NUB1: variants seen among roughly 807,000 people sequenced by gnomAD.
NUB1 encodes negative regulator of ubiquitin like proteins 1.
In NUB1, 41 loss-of-function variants were observed where a neutral mutation model predicts 77.1. The observed-to-expected ratio is 0.53, with a 90% CI of 0.41 to 0.69. The LOEUF is 0.69. NUB1 is among the 30% of genes least tolerant of loss of function. The pLI, the probability that NUB1 is intolerant of heterozygous loss-of-function variation, is 0.00. For missense variants in NUB1, 643 were observed against 743.8 expected (o/e 0.86, Z 1.58); for synonymous variants, 257 against 281.0 (o/e 0.91, Z 0.85).
At chr7:151,343,456 A>G (rs889155572) in intron 1 of NUB1, among the ~76,000 whole-genome samples, 1 of 152,252 alleles carries the variant, frequency 6.6e-6, no homozygotes, top group African/African-American at 2.4e-5. Flanking sequence ...ACTGGCCCTC[A>G]ATAGAAGAAA....
chr7:151,351,620 A>G, intron 4 of NUB1, 138 bp downstream of exon 4: 1 of 656,782 alleles, frequency 1.5e-6, no homozygotes, highest in Non-Finnish European at 2.6e-6. Context: ...TGAGGCTTTG[A>G]GGTTGAAGGA....
At chr7:151,374,396 C>G in intron 12 of NUB1, 153 bp downstream of exon 12, 1 of 1,048,556 alleles carries the variant, frequency 9.5e-7, no homozygotes, top group South Asian at 1.4e-5. Flanking sequence ...GGCTCCAGCC[C>G]AGACACAGGC....
chr7:151,365,759 TGAGA>T (rs1797644495), intron 8 of NUB1, among the ~76,000 whole-genome samples: 1 of 152,212 alleles, frequency 6.6e-6, no homozygotes, highest in Non-Finnish European at 1.5e-5. Flanking sequence ...TTAGAAATGT[TGAGA>T]GAGATGAAAA....
At chr7:151,355,078 A>G (rs1797001522) in intron 5 of NUB1, among the ~76,000 whole-genome samples, 1 of 152,200 alleles carries the variant, frequency 6.6e-6, no homozygotes, top group Non-Finnish European at 1.5e-5. Flanking sequence ...ACTGCAGTAC[A>G]GCTTCTTGTT....
At chr7:151,351,577 C>A in intron 4 of NUB1, 95 bp downstream of exon 4, 2 of 811,352 alleles carry the variant, frequency 2.5e-6, no homozygotes, top group Non-Finnish European at 3.9e-6. Flanking sequence ...ATAGGTAGGG[C>A]AGGTATTATC....
At chr7:151,369,020 T>C (rs559369226) in intron 11 of NUB1, 133 bp downstream of exon 11, 30 of 1,079,014 alleles carry the variant, frequency 2.8e-5, no homozygotes, top group Non-Finnish European at 3.7e-5. Flanking sequence ...TCCTTTTTTT[T>C]TTCTTGAGAC....
intron 8 of NUB1, 132 bp from the exon 9 acceptor site, chr7:151,366,807 T>C (rs1451593145): frequency 1.5e-6 from 1 of 646,254 alleles, no homozygotes; most frequent in African/African-American, 1.8e-5. Flanking sequence ...AGGATCTCTC[T>C]TTTAGAGCAG....
At chr7:151,342,946 TTACAGGTGTGAG>T in intron 1 of NUB1, among the ~76,000 whole-genome samples, 1 of 152,276 alleles carries the variant, frequency 6.6e-6, no homozygotes, top group South Asian at 2.1e-4. Context: ...AGTGCTGGGA[TTACAGGTGTGAG>T]CCACCGCGCC....
rs1798413522 is a variant in NUB1 at position 151,378,436 on chromosome 7, A to AAT, written c.*1216_*1217dup. The AAT allele has an allele frequency of 6.6e-6, 1 of 152,236 alleles. No individual in the cohort carries two copies. The highest frequency in any genetic ancestry group is 2.1e-4 in the South Asian group (1 of 4,830). The allele number at this position is 152,236 out of a possible 1,614,324, so 9.4% of individuals were successfully genotyped here. On this transcript the variant is annotated 3_prime_UTR_variant, in exon 15 of 15. Coordinates refer to ENST00000568733, the MANE Select transcript of NUB1 (RefSeq NM_001243351.2). ...ATACCGATGGAAATAAAAGGTGGGA[A>AAT]ATATATTCAAAAATTGTCACCCTAA...
Position 151,376,695 on chromosome 7 carries a change from ACGTCCAGCTGGC to A in NUB1, c.1556_1567del (p.Val519_Ala522del). 6.2e-7 allele frequency: 1 copy of A among 1,610,498 alleles called. No individual in the cohort carries two copies. The highest frequency in any genetic ancestry group is 8.5e-7 in the Non-Finnish European group (1 of 1,178,630). On this transcript the variant is annotated inframe_deletion, in exon 14 of 15. Transcript: ENST00000568733. The stretch of plus-strand genomic sequence containing the variant: ...GCTGCGCTGAGAGTGTTCAGAGGCA[ACGTCCAGCTGGC>A]CGCCCAGACCCTTGCTCACAACGGA...
In NUB1 at chr7:151,360,202, A is replaced by G; in HGVS notation, c.755A>G (p.Tyr252Cys). Residue 252 changes from tyrosine to cysteine, a missense_variant, in exon 8 of 15, where the codon TAT (tyrosine) becomes TGT (cysteine). Physicochemically the swap from Tyr to Cys is radical, Grantham distance 194. Coordinates refer to ENST00000568733, the MANE Select transcript of NUB1 (RefSeq NM_001243351.2). ...AGAGCTTTCCTGAAAAGAAAAGAAT[A>G]TGGAATAGCCTTGCCATGTCTGTTG... ...KGRAFLKRKE[Y>C]GIALPCLLDA... 1 of 1,611,318 alleles carries G rather than the reference A, an allele frequency of 6.2e-7. No homozygotes were observed. The highest frequency in any genetic ancestry group is 2.2e-5 in the East Asian group (1 of 44,874).
intron 8 of NUB1, among the ~76,000 whole-genome samples, chr7:151,361,708 G>T (rs1196634123): frequency 6.6e-6 from 1 of 152,076 alleles, no homozygotes; most frequent in Non-Finnish European, 1.5e-5. Flanking sequence ...AGTGCCTTTG[G>T]GTTCTAAGTG....
At chr7:151,370,058 A>T (rs1268782281) in intron 11 of NUB1, among the ~76,000 whole-genome samples, 3 of 151,506 alleles carry the variant, frequency 2.0e-5, no homozygotes, top group African/African-American at 7.3e-5. Context: ...TATAGAAGTC[A>T]ATGAGTAGGT....
intron 5 of NUB1, among the ~76,000 whole-genome samples, chr7:151,353,333 T>C (rs1584943937): frequency 6.6e-6 from 1 of 150,384 alleles, no homozygotes; most frequent in Non-Finnish European, 1.5e-5. Context: ...GGGAGGGGAG[T>C]GCTTTTTAAG....
intron 5 of NUB1, among the ~76,000 whole-genome samples, chr7:151,354,868 A>G (rs967080465): frequency 2.6e-5 from 4 of 152,266 alleles, no homozygotes; most frequent in African/African-American, 9.6e-5. Context: ...TCAGCTTCCC[A>G]CTGAGTAGCT....
chr7:151,376,697 G>T lies in NUB1; in HGVS notation c.1555G>T (p.Val519Phe). The change falls in exon 14 of 15, where the codon GTC becomes TTC. Residue 519 changes from valine to phenylalanine, a missense_variant. Coordinates refer to ENST00000568733, the MANE Select transcript of NUB1 (RefSeq NM_001243351.2). ...TGCGCTGAGAGTGTTCAGAGGCAAC[G>T]TCCAGCTGGCCGCCCAGACCCTTGC... The part of the protein sequence containing the change: ...EAALRVFRGN[V>F]QLAAQTLAHN... 6.2e-7 allele frequency: 1 copy of T among 1,610,066 alleles called. No individual in the cohort carries two copies. The highest frequency in any genetic ancestry group is 8.5e-7 in the Non-Finnish European group (1 of 1,178,496).
intron 11 of NUB1, 92 bp from the exon 12 acceptor site, chr7:151,374,002 TGCC>T: frequency 7.2e-7 from 1 of 1,386,422 alleles, no homozygotes; most frequent in Non-Finnish European, 9.6e-7. Context: ...TTTTTGGCTT[TGCC>T]TGGAAATGCG....
rs1368009147 is a variant in NUB1 at position 151,360,218 on chromosome 7, A to G, written c.771A>G (p.Pro257=). The G allele has an allele frequency of 2.5e-6, 4 of 1,608,696 alleles. No homozygotes were observed. The highest frequency in any genetic ancestry group is 3.4e-6 in the Non-Finnish European group (4 of 1,175,246). ...GAAAAGAATATGGAATAGCCTTGCC[A>G]TGTCTGTTGGACGCTGACAAATATT... is the stretch of plus-strand genomic sequence containing the variant. ...LKRKEYGIAL[P]CLLDADKYFC... is the part of the protein sequence containing the mutation. The change falls in exon 8 of 15, where the codon CCA becomes CCG. Residue 257 remains proline (P), a synonymous_variant. Coordinates refer to ENST00000568733, the MANE Select transcript of NUB1 (RefSeq NM_001243351.2).
chr7:151,374,214 G>A lies in NUB1; in HGVS notation c.1366G>A (p.Ala456Thr). 1 of 1,562,094 alleles carries A rather than the reference G, an allele frequency of 6.4e-7. No individual in the cohort carries two copies. The highest frequency in any genetic ancestry group is 8.7e-7 in the Non-Finnish European group (1 of 1,153,468). Residue 456 changes from alanine (A) to threonine (T), a missense_variant, in exon 12 of 15, where the codon GCC becomes ACC. Coordinates refer to ENST00000568733, the MANE Select transcript of NUB1 (RefSeq NM_001243351.2). ...THAAQQVLHA[A>T]SGNLDEALKI... The stretch of plus-strand genomic sequence containing the variant: ...CGCGGCCCAGCAGGTACTCCACGCA[G>A]CCAGCGGGAACTTGGATGAGGCCCT...
Sources: allele counts gnomAD v4.1 joint callset (sites outside exome capture counted in the v4.1 genomes callset), GRCh38; gene constraint gnomAD v4.1.1; transcripts MANE v1.5; gene names NCBI Gene and HGNC (gene_info 2026-07-23, HGNC 2026-07-21).